Variants in TMCC1 observed in about 807,000 individuals in gnomAD.
The protein encoded by TMCC1 is transmembrane and coiled-coil domain family 1.
Under a neutral mutation model 52.4 loss-of-function variants are expected in TMCC1, and 15 were observed. The ratio of observed to expected loss-of-function variants is 0.29; its 90% CI spans 0.19 to 0.44. The LOEUF is 0.44. Ranked by LOEUF, TMCC1 falls within the 20% of genes least tolerant of loss-of-function variation. The pLI is 1.00. For synonymous variants in TMCC1, 279 were observed against 301.9 expected, an observed-to-expected ratio of 0.92 and a Z score of 0.79; for missense variants, 503 against 806.0, an observed-to-expected ratio of 0.62 and a Z score of 4.55.
intron 4 of TMCC1, among the ~76,000 whole-genome samples, chr3:129,795,044 C>T (rs777141856): frequency 6.6e-6 from 1 of 152,180 alleles, no homozygotes; most frequent in Non-Finnish European, 1.5e-5. Context: ...CCAAGCCTTT[C>T]CTCTTATTCA....
At chr3:129,770,662 A>C (rs1425445442) in intron 4 of TMCC1, among the ~76,000 whole-genome samples, 8 of 152,192 alleles carry the variant, frequency 5.3e-5, no homozygotes, top group Non-Finnish European at 1.5e-5. Flanking sequence ...AAAATAGATA[A>C]AATGATTAGC....
At position 129,874,564 on chromosome 3, in the gene TMCC1, T is replaced by TAAAAAA. The variant is rs201756067; in HGVS notation, c.-184+5744_-184+5745insTTTTTT. 9.9e-3 allele frequency among the ~76,000 whole-genome samples: 1,503 copies of TAAAAAA among 152,020 alleles called. 26 individuals are homozygous for TAAAAAA. The highest frequency in any genetic ancestry group is 0.035 in the African/African-American group (1,435 of 41,432). On this transcript the variant is annotated intron_variant, in intron 2 of 6. Transcript: ENST00000393238. ...CTCTGCAAAAAACAAATTAAATAAA[T>TAAAAAA]AAAACATACAGGGCAGGTGCAGTGG...
At chr3:129,663,261 T>A (rs73863689) in intron 5 of TMCC1, among the ~76,000 whole-genome samples, 2,390 of 152,286 alleles carry the variant, frequency 0.016, 47 homozygotes, top group African/African-American at 0.055. Context: ...GGTGCTTCCC[T>A]AGTTCGGCAA....
intron 1 of TMCC1, among the ~76,000 whole-genome samples, chr3:129,884,065 G>A (rs780862098): frequency 6.6e-6 from 1 of 151,826 alleles, no homozygotes; most frequent in Non-Finnish European, 1.5e-5. Flanking sequence ...AAACAGTTTC[G>A]AAAACTAAAA....
intron 4 of TMCC1, among the ~76,000 whole-genome samples, chr3:129,757,079 C>T (rs1043527173): frequency 1.3e-5 from 2 of 152,234 alleles, no homozygotes; most frequent in Non-Finnish European, 1.5e-5. Context: ...TCTCATTGAC[C>T]CAAAGCCCAC....
At chr3:129,690,339 C>T (rs1275743765) in intron 4 of TMCC1, among the ~76,000 whole-genome samples, 1 of 151,680 alleles carries the variant, frequency 6.6e-6, no homozygotes, top group East Asian at 1.9e-4. Flanking sequence ...AAAATAAAAT[C>T]TAGTAAGTTA....
At chr3:129,781,542 T>C (rs997607591) in intron 4 of TMCC1, among the ~76,000 whole-genome samples, 1 of 152,178 alleles carries the variant, frequency 6.6e-6, no homozygotes, top group African/African-American at 2.4e-5. Context: ...TAGTTTTATC[T>C]TCTTTCATGC....
intron 4 of TMCC1, among the ~76,000 whole-genome samples, chr3:129,817,679 A>C (rs2107807837): frequency 6.6e-6 from 1 of 151,394 alleles, no homozygotes; most frequent in African/African-American, 2.4e-5. Flanking sequence ...ATGGAGTCTC[A>C]CTCTGTCACC....
At chr3:129,857,311 A>C (rs2060185782) in intron 2 of TMCC1, 1 of 152,270 alleles carries the variant, frequency 6.6e-6, no homozygotes, top group South Asian at 2.1e-4. Flanking sequence ...CATACAGCCC[A>C]GTGGCAGCAG....
chr3:129,699,155 G>A (rs898328580), intron 4 of TMCC1, among the ~76,000 whole-genome samples: 2 of 152,086 alleles, frequency 1.3e-5, no homozygotes, highest in African/African-American at 4.8e-5. Context: ...TTTTGAATAG[G>A]GGCTGGGTAA....
chr3:129,759,967 C>G (rs1260889558), intron 4 of TMCC1, among the ~76,000 whole-genome samples: 3 of 151,598 alleles, frequency 2.0e-5, no homozygotes, highest in African/African-American at 4.9e-5. Context: ...GTGATCCACC[C>G]GCCTCGGCCT....
intron 4 of TMCC1, among the ~76,000 whole-genome samples, chr3:129,810,606 A>G (rs149832596): frequency 1.3e-5 from 2 of 152,346 alleles, no homozygotes; most frequent in Non-Finnish European, 2.9e-5. Context: ...TAAGAAGAAT[A>G]TGTTAATCTC....
chr3:129,691,939 C>T (rs939543823), intron 4 of TMCC1, among the ~76,000 whole-genome samples: 14 of 152,088 alleles, frequency 9.2e-5, no homozygotes, highest in African/African-American at 3.4e-4. Context: ...AACATCCCTA[C>T]AAATCTAAGA....
At chr3:129,892,054 G>C (rs1577250221) in intron 1 of TMCC1, among the ~76,000 whole-genome samples, 1 of 152,188 alleles carries the variant, frequency 6.6e-6, no homozygotes, top group African/African-American at 2.4e-5. Context: ...TTTATCTTAA[G>C]ATGCAAATGC....
chr3:129,712,101 C>T (rs554021796), intron 4 of TMCC1, among the ~76,000 whole-genome samples: 15 of 151,780 alleles, frequency 9.9e-5, no homozygotes, highest in Admixed American at 2.0e-4. Context: ...CACTTGAACC[C>T]GGGAGGTGAA....
At chr3:129,835,771 T>A (rs1187203897) in intron 2 of TMCC1, among the ~76,000 whole-genome samples, 2 of 152,204 alleles carry the variant, frequency 1.3e-5, no homozygotes, top group South Asian at 2.1e-4. Context: ...AGGTAACTGG[T>A]AACTAATGTT....
intron 4 of TMCC1, among the ~76,000 whole-genome samples, chr3:129,792,562 G>A (rs1225725604): frequency 2.6e-5 from 4 of 152,136 alleles, no homozygotes; most frequent in East Asian, 1.9e-4. Flanking sequence ...TGTTGGCCAC[G>A]CTGATCCATT....
chr3:129,893,697 G>C lies in TMCC1; in HGVS notation c.-638C>G, dbSNP rs924294274. Reference sequence around the variant, plus strand: ...CGCCTCAGCCCCGGCGCGGGAGGGCGAACCGGCGCGAGAGAGCGAGCGCGC... The same window carrying C: ...CGCCTCAGCCCCGGCGCGGGAGGGCCAACCGGCGCGAGAGAGCGAGCGCGC... On this transcript the variant is annotated 5_prime_UTR_variant, in exon 1 of 7. Coordinates refer to ENST00000393238, the MANE Select transcript of TMCC1 (RefSeq NM_001017395.5). The C allele has an allele frequency of 6.7e-6, 1 of 149,538 alleles. No individual in the cohort carries two copies. Among genetic ancestry groups the C allele is most frequent in the African/African-American group, 2.4e-5 (1 of 40,978 alleles). 9.3% of individuals were successfully genotyped at this position (149,538 alleles called of 1,614,324 possible).
chr3:129,873,652 C>T (rs1439742149), intron 2 of TMCC1, among the ~76,000 whole-genome samples: 1 of 152,020 alleles, frequency 6.6e-6, no homozygotes, highest in Non-Finnish European at 1.5e-5. Flanking sequence ...CCACTACACA[C>T]CAGCATAGGT....
Sources: allele counts gnomAD v4.1 joint callset (sites outside exome capture counted in the v4.1 genomes callset), GRCh38; gene constraint gnomAD v4.1.1; transcripts MANE v1.5; gene names NCBI Gene and HGNC (gene_info 2026-07-23, HGNC 2026-07-21).